The following DAP3 variants were observed in gnomAD, a reference collection of about 807,000 sequenced individuals.
DAP3 encodes death associated protein 3, also known as small ribosomal subunit protein mS29.
In DAP3, 28 loss-of-function variants were observed where a neutral mutation model predicts 51.9. The observed-to-expected ratio is 0.54, with a 90% CI of 0.40 to 0.74. The LOEUF (loss-of-function observed/expected upper bound fraction) is 0.74. Among genes scored for constraint, DAP3 ranks in the 30% least tolerant of loss-of-function variants. DAP3 has a pLI of 0.00. For missense variants in DAP3, 458 were observed against 483.5 expected (o/e 0.95, Z 0.49); for synonymous variants, 170 against 170.3 (o/e 1.00, Z 0.01).
At chr1:155,696,728 C>T (rs1220749817) in intron 1 of DAP3, among the ~76,000 whole-genome samples, 3 of 152,198 alleles carry the variant, frequency 2.0e-5, no homozygotes, top group Non-Finnish European at 4.4e-5. Context: ...GCTTTGCCTA[C>T]AAAAGTTTGA....
chr1:155,734,977 C>T (rs1659604879), intron 11 of DAP3, among the ~76,000 whole-genome samples: 1 of 152,014 alleles, frequency 6.6e-6, no homozygotes, highest in South Asian at 2.1e-4. Flanking sequence ...GATTTGATAG[C>T]TCTCAGGCTG....
chr1:155,709,224 C>A (rs1656396059), intron 1 of DAP3: 1 of 152,298 alleles, frequency 6.6e-6, no homozygotes, highest in South Asian at 2.1e-4. Context: ...CTCACTGTGA[C>A]CTCCACCTCC....
chr1:155,691,596 T>C (rs1653826591), intron 1 of DAP3, among the ~76,000 whole-genome samples: 1 of 141,956 alleles, frequency 7.0e-6, no homozygotes, highest in Non-Finnish European at 1.5e-5. Context: ...TTCTCTTTTA[T>C]ACCTGAGAGT....
At chr1:155,719,881 C>T (rs1418751272) in intron 3 of DAP3, among the ~76,000 whole-genome samples, 1 of 152,052 alleles carries the variant, frequency 6.6e-6, no homozygotes, top group East Asian at 1.9e-4. Context: ...TAGTGGCATG[C>T]GCCTGTAGTC....
intron 9 of DAP3, among the ~76,000 whole-genome samples, chr1:155,731,114 A>C (rs1028954519): frequency 2.0e-5 from 3 of 152,004 alleles, no homozygotes; most frequent in African/African-American, 7.3e-5. Flanking sequence ...CTAAAAATAC[A>C]AAAAAATTAG....
intron 11 of DAP3, among the ~76,000 whole-genome samples, chr1:155,734,509 G>A (rs914476389): frequency 2.6e-5 from 4 of 151,968 alleles, no homozygotes; most frequent in African/African-American, 9.7e-5. Flanking sequence ...TTTATTTTCT[G>A]TCATGAGAAT....
At chr1:155,722,814 T>A (rs1240431445) in intron 4 of DAP3, among the ~76,000 whole-genome samples, 4 of 152,146 alleles carry the variant, frequency 2.6e-5, no homozygotes, top group African/African-American at 9.7e-5. Context: ...ACAATTTTAA[T>A]TAAAAAAAAT....
At chr1:155,730,239 GTATA>G (rs1659095127) in intron 9 of DAP3, among the ~76,000 whole-genome samples, 1 of 148,866 alleles carries the variant, frequency 6.7e-6, no homozygotes, top group African/African-American at 2.5e-5. Context: ...ATGTATATAT[GTATA>G]TATACGTATA....
upstream of DAP3, chr1:155,688,363 C>A (rs1652965369): frequency 6.5e-7 from 1 of 1,547,256 alleles, no homozygotes; most frequent in Admixed American, 2.0e-5. Context: ...GCAGCTCCTC[C>A]AGAGGGAGGG....
intron 2 of DAP3, among the ~76,000 whole-genome samples, chr1:155,711,458 A>G (rs1356647378): frequency 6.6e-6 from 1 of 151,924 alleles, no homozygotes; most frequent in African/African-American, 2.4e-5. Context: ...ACGCCACTGC[A>G]CTCTAGCCTG....
intron 12 of DAP3, 72 bp downstream of exon 12, chr1:155,737,135 C>A: frequency 1.9e-6 from 2 of 1,050,716 alleles, no homozygotes; most frequent in Non-Finnish European, 1.5e-6. Context: ...GAGCCTTGAT[C>A]TCTTCTTCCC....
intron 11 of DAP3, among the ~76,000 whole-genome samples, chr1:155,735,707 T>G (rs1659705310): frequency 6.6e-6 from 1 of 152,154 alleles, no homozygotes; most frequent in African/African-American, 2.4e-5. Flanking sequence ...AGTCTTGCTC[T>G]GTCACCCACG....
intron 11 of DAP3, among the ~76,000 whole-genome samples, chr1:155,736,418 C>CT (rs780785558): frequency 5.3e-5 from 8 of 151,710 alleles, no homozygotes; most frequent in South Asian, 4.2e-4. Context: ...CAAGCATTGC[C>CT]TTTTTTTTTG....
At chr1:155,711,052 T>C (rs1333416445) in intron 2 of DAP3, among the ~76,000 whole-genome samples, 1 of 152,130 alleles carries the variant, frequency 6.6e-6, no homozygotes, top group Non-Finnish European at 1.5e-5. Flanking sequence ...CCCTTCCTCC[T>C]ATATGGCTCC....
At chr1:155,716,883 G>A in intron 2 of DAP3, 123 bp from the exon 3 acceptor site, 2 of 1,355,356 alleles carry the variant, frequency 1.5e-6, no homozygotes, top group South Asian at 3.0e-5. Flanking sequence ...GAAGGCGGAG[G>A]TTGTAGTGAG....
intron 11 of DAP3, among the ~76,000 whole-genome samples, chr1:155,735,135 T>A (rs191558941): frequency 0.014 from 2,105 of 146,866 alleles, 21 homozygotes; most frequent in Middle Eastern, 0.03. Flanking sequence ...AAAAAAAAAT[T>A]AGCCGGGCGT....
At chr1:155,709,399 G>A (rs1656417706) in intron 1 of DAP3, among the ~76,000 whole-genome samples, 1 of 152,240 alleles carries the variant, frequency 6.6e-6, no homozygotes, top group Non-Finnish European at 1.5e-5. Flanking sequence ...ACCCACCTCA[G>A]CCCCGAGAAG....
chr1:155,714,255 G>A (rs569699826), intron 2 of DAP3, among the ~76,000 whole-genome samples: 5 of 151,958 alleles, frequency 3.3e-5, no homozygotes, highest in African/African-American at 9.6e-5. Context: ...TTTTATTGTC[G>A]GGGTCTCACT....
At chr1:155,732,892 C>A (rs781442305) in intron 11 of DAP3, among the ~76,000 whole-genome samples, 1 of 152,060 alleles carries the variant, frequency 6.6e-6, no homozygotes, top group Non-Finnish European at 1.5e-5. Flanking sequence ...GGCGTCGTGG[C>A]GCGTGGCTGT....
Sources: gnomAD v4.1 joint callset for allele counts (sites outside exome capture counted in the v4.1 genomes callset) on GRCh38, gnomAD v4.1.1 for gene constraint, MANE v1.5 for transcripts, NCBI Gene and HGNC (gene_info 2026-07-23, HGNC 2026-07-21) for gene names.